POMT1: variants seen among roughly 807,000 people sequenced by gnomAD.
The protein encoded by POMT1 is protein O-mannosyltransferase 1, also known as protein O-mannosyl-transferase 1.
In POMT1, 85 loss-of-function variants were observed where a neutral mutation model predicts 101.6. The ratio of observed to expected loss-of-function variants is 0.84; its 90% CI spans 0.70 to 1.00. The LOEUF is 1.00. Ranked by LOEUF, POMT1 falls within the 50% of genes least tolerant of loss-of-function variation. POMT1 has a pLI of 0.00. For missense variants in POMT1, 857 were observed against 930.4 expected, an observed-to-expected ratio of 0.92 and a Z score of 1.03; for synonymous variants, 371 against 383.0, an observed-to-expected ratio of 0.97 and a Z score of 0.37.
rs1949442582 is a variant in POMT1, at chr9:131,519,386, C to T, written c.1487-3C>T. ...TCTGTTATGCCCTTGTCTGTTCTGC[C>T]AGGCCAGGAGCAGAGGGAGCGGGAA... On this transcript the variant is annotated splice_region_variant and splice_polypyrimidine_tract_variant and intron_variant, in intron 15 of 19. Coordinates refer to ENST00000402686, the MANE Select transcript of POMT1 (RefSeq NM_001077365.2). This position sits in a 1 kb window ranked among gnomAD's most constrained non-coding sequence, Gnocchi z 4.3. 4.5e-6 allele frequency: 7 copies of T among 1,551,432 alleles called. No homozygotes were observed. The highest frequency in any genetic ancestry group is 2.7e-5 in the African/African-American group (2 of 73,086).
Position 131,514,225 on chromosome 9 carries a change from C to A in POMT1, c.1175+894C>A, listed in dbSNP as rs117685709. On this transcript the variant is annotated intron_variant, in intron 12 of 19. Transcript: ENST00000402686. Reference sequence around the variant, plus strand: ...GCAGCAGCCTGTCCGGCCTGCGGACCGTGCACAACCCACTTGCGTTGTTCC... The same window carrying A: ...GCAGCAGCCTGTCCGGCCTGCGGACAGTGCACAACCCACTTGCGTTGTTCC... Among the ~76,000 whole-genome samples, 29 of 152,300 alleles carry A rather than the reference C, an allele frequency of 1.9e-4. No individual in the cohort carries two copies. In the East Asian group the frequency reaches 5.6e-3, roughly 29 times the overall value.
In POMT1 at chr9:131,522,886, C is replaced by T. The variant is rs1444815129; in HGVS notation, c.2004-46C>T. 1.1e-5 allele frequency: 17 copies of T among 1,538,608 alleles called. No individual in the cohort carries two copies. The highest frequency in any genetic ancestry group is 1.4e-5 in the Non-Finnish European group (16 of 1,143,380). ...GCCAAGAGGGTGCCGGGCAGGGAAG[C>T]CGCAGTGGTCAGCCACCCTCCCCCA... On this transcript the variant is annotated intron_variant, in intron 19 of 19. Transcript: ENST00000402686. The surrounding 1 kb of genome is among the most constrained non-coding windows in gnomAD (Gnocchi z 5.5).
chr9:131,516,989 A>T (rs1948823686), intron 13 of POMT1: 1 of 152,266 alleles, frequency 6.6e-6, no homozygotes, highest in South Asian at 2.1e-4. Flanking sequence ...TTCCATAAAA[A>T]GTCTTCTGTT....
At chr9:131,505,770 G>C (rs1260732274) in intron 2 of POMT1, among the ~76,000 whole-genome samples, 2 of 96,696 alleles carry the variant, frequency 2.1e-5, no homozygotes, top group East Asian at 5.7e-4. Flanking sequence ...GGGTGGGGGG[G>C]TTGGGTAGGT....
At chr9:131,506,319 T>C in intron 3 of POMT1, 84 bp from the exon 4 acceptor site, 2 of 1,551,812 alleles carry the variant, frequency 1.3e-6, no homozygotes, top group Non-Finnish European at 1.8e-6. Context: ...GGTCTTATTA[T>C]TGATGCATCT....
In POMT1 at chr9:131,518,944, C is replaced by A; in HGVS notation, c.1473C>A (p.His491Gln). ...GCACGGTGTGGAACGTGGAGGAGCACCGATACGGCGCGAGTGAGTCCGCGG... is the reference window on the plus strand; with the variant it reads ...GCACGGTGTGGAACGTGGAGGAGCAACGATACGGCGCGAGTGAGTCCGCGG... ...HGSTVWNVEEHRYGASQEQRE... is the reference protein window; with the variant it reads ...HGSTVWNVEEQRYGASQEQRE... The change falls in exon 15 of 20, where the codon CAC becomes CAA. Residue 491 changes from histidine to glutamine, a missense_variant. By Grantham distance (24) the His-to-Gln change is conservative. Coordinates refer to ENST00000402686, the MANE Select transcript of POMT1 (RefSeq NM_001077365.2). 1 of 1,613,642 alleles carries A rather than the reference C, an allele frequency of 6.2e-7. No individual in the cohort carries two copies. The highest frequency in any genetic ancestry group is 8.5e-7 in the Non-Finnish European group (1 of 1,180,036).
chr9:131,519,989 C>T lies in POMT1; in HGVS notation c.1585-91C>T. On this transcript the variant is annotated intron_variant, in intron 16 of 19. Transcript: ENST00000402686. The surrounding 1 kb of genome is among the most constrained non-coding windows in gnomAD (Gnocchi z 4.3). ...AACTTGAGCTGGGCCAGTCCACGTG[C>T]AAGGGGCAGCAGTGTACTCCTTTGA... The T allele has an allele frequency of 1.0e-6, 1 of 957,288 alleles. No homozygotes were observed. 59.3% of individuals were successfully genotyped at this position (957,288 alleles called of 1,614,324 possible).
chr9:131,521,044 C>A, intron 17 of POMT1: 1 of 413,888 alleles, frequency 2.4e-6, no homozygotes, highest in Non-Finnish European at 4.6e-6. Context: ...GGTTTCGCCA[C>A]GTTGGGCAGG....
chr9:131,504,180 C>G lies in POMT1; in HGVS notation c.-30-9C>G. On this transcript the variant is annotated splice_polypyrimidine_tract_variant and intron_variant, in intron 1 of 19. Coordinates refer to ENST00000402686, the MANE Select transcript of POMT1 (RefSeq NM_001077365.2). ...CCTCATGGACCACGGCTCCTCCCTT[C>G]TTTTCTAGGGCGTCTGCCTGAGCCC... 6.2e-7 allele frequency: 1 copy of G among 1,613,922 alleles called. No homozygotes were observed. The highest frequency in any genetic ancestry group is 8.5e-7 in the Non-Finnish European group (1 of 1,179,884).
Position 131,510,084 on chromosome 9 carries a change from A to G in POMT1, c.699+88A>G, listed in dbSNP as rs376609183. On this transcript the variant is annotated intron_variant, in intron 8 of 19. Transcript: ENST00000402686. ...GGGGGTACTTGGTGAAAAGACTCCA[A>G]TCCTCAATGTTTTAGAAGCAGGCAG... 14 of 1,613,888 alleles carry G rather than the reference A, an allele frequency of 8.7e-6. No homozygotes were observed. The African/African-American group carries it at 1.3e-4, about 15-fold the overall frequency.
chr9:131,522,163 C>T lies in POMT1; in HGVS notation c.1942C>T (p.Leu648Phe), dbSNP rs1479841267. The change falls in exon 19 of 20, where the codon CTC (leucine) becomes TTC (phenylalanine). Residue 648 changes from leucine to phenylalanine, a missense_variant. Leu to Phe is a conservative substitution (Grantham distance 22, BLOSUM62 0). Transcript: ENST00000402686. The surrounding 1 kb of genome is among the most constrained non-coding windows in gnomAD (Gnocchi z 5.5). ...TLFLYHYLPA[L>F]TFQILLLPVV... ...CTTCCTCTACCACTACCTGCCCGCA[C>T]TCACCTTCCAAATCCTTCTGCTCCC... The T allele has an allele frequency of 1.9e-6, 3 of 1,614,186 alleles. No individual in the cohort carries two copies. The highest frequency in any genetic ancestry group is 2.5e-6 in the Non-Finnish European group (3 of 1,180,046).
At chr9:131,521,531 T>G in intron 18 of POMT1, 59 bp downstream of exon 18, 1 of 1,583,660 alleles carries the variant, frequency 6.3e-7, no homozygotes, top group Non-Finnish European at 8.7e-7. Context: ...GGTCTTGCTG[T>G]GTTGTCCAGG....
At chr9:131,520,752 C>T (rs1949758626) in intron 17 of POMT1, among the ~76,000 whole-genome samples, 1 of 152,250 alleles carries the variant, frequency 6.6e-6, no homozygotes, top group African/African-American at 2.4e-5. Flanking sequence ...CCTCCGTGGA[C>T]AGCGCTGCTG....
chr9:131,515,697 C>T (rs1374141612), intron 13 of POMT1, among the ~76,000 whole-genome samples, 175 bp downstream of exon 13: 2 of 150,434 alleles, frequency 1.3e-5, no homozygotes, highest in Admixed American at 1.3e-4. Context: ...GACACTTCCT[C>T]ACACGGAACA....
chr9:131,508,258 C>T (rs796274276), intron 5 of POMT1, among the ~76,000 whole-genome samples: 11 of 148,418 alleles, frequency 7.4e-5, no homozygotes, highest in African/African-American at 2.7e-4. Context: ...ATAAGCCGGG[C>T]ACGGTGGCTC....
rs767287237 is a variant in POMT1, at chr9:131,509,812, A to G, written c.605+4A>G. On this transcript the variant is annotated splice_donor_region_variant and intron_variant, in intron 7 of 19. Coordinates refer to ENST00000402686, the MANE Select transcript of POMT1 (RefSeq NM_001077365.2). Reference sequence around the variant, plus strand: ...TCGCTTGTTCCTGTGCAGTGGGGTGAGTTTGAGCCTCTGGTCTTGGGCAGT... The same window carrying G: ...TCGCTTGTTCCTGTGCAGTGGGGTGGGTTTGAGCCTCTGGTCTTGGGCAGT... The G allele has an allele frequency of 1.4e-5, 22 of 1,614,038 alleles. No homozygotes were observed. The highest frequency in any genetic ancestry group is 1.7e-5 in the Non-Finnish European group (20 of 1,180,024).
At chr9:131,513,440 T>A in intron 12 of POMT1, 109 bp downstream of exon 12, 1 of 999,480 alleles carries the variant, frequency 1.0e-6, no homozygotes, top group Non-Finnish European at 1.5e-6. Context: ...TGTCTACCCA[T>A]CATCTGCATG....
chr9:131,518,240 T>A, intron 13 of POMT1: 2 of 688,422 alleles, frequency 2.9e-6, no homozygotes, highest in Non-Finnish European at 2.7e-6. Context: ...AGGGTGCACT[T>A]CCCCAGCGAC....
At position 131,519,430 on chromosome 9, in the gene POMT1, G is replaced by A. The variant is rs1276417965; in HGVS notation, c.1528G>A (p.Ala510Thr). Residue 510 changes from alanine (A) to threonine (T), a missense_variant, in exon 16 of 20, where the codon GCG (alanine) becomes ACG (threonine). Ala to Thr is a moderately conservative substitution (Grantham distance 58). Transcript: ENST00000402686. The surrounding 1 kb of genome is among the most constrained non-coding windows in gnomAD (Gnocchi z 4.3). ...RERERELHSP[A>T]QVDVSRNLSF... The stretch of plus-strand genomic sequence containing the variant: ...GCGGGAACGGGAGCTGCACTCACCT[G>A]CGCAGGTGGACGTCAGCAGGAACCT... 6.4e-7 allele frequency: 1 copy of A among 1,552,026 alleles called. No homozygotes were observed. The highest frequency in any genetic ancestry group is 8.7e-7 in the Non-Finnish European group (1 of 1,147,236).
Sources: allele counts gnomAD v4.1 joint callset (sites outside exome capture counted in the v4.1 genomes callset), GRCh38; gene constraint gnomAD v4.1.1; non-coding constraint Gnocchi (gnomAD v3.1); transcripts MANE v1.5; gene names NCBI Gene and HGNC (gene_info 2026-07-23, HGNC 2026-07-21).